The following USP3 variants were observed in gnomAD, a reference collection of about 807,000 sequenced individuals.
USP3 encodes ubiquitin carboxyl-terminal hydrolase 3.
In USP3, 20 loss-of-function variants were observed where a neutral mutation model predicts 72.3. That is an observed-to-expected ratio of 0.28 (90% CI 0.19 to 0.40). The LOEUF is 0.40. USP3 is among the 10% of genes least tolerant of loss of function. USP3 has a pLI of 1.00. For synonymous variants in USP3, 222 were observed against 225.3 expected (o/e 0.99, Z 0.13); for missense variants, 479 against 633.9 (o/e 0.76, Z 2.62).
chr15:63,553,934 A>G lies in USP3; in HGVS notation c.368+136A>G, dbSNP rs970959105. On this transcript the variant is annotated intron_variant, in intron 4 of 14. Coordinates refer to ENST00000380324, the MANE Select transcript of USP3 (RefSeq NM_006537.4). The surrounding 1 kb of genome is among the most constrained non-coding windows in gnomAD (Gnocchi z 4.2). Reference sequence around the variant, plus strand: ...TATGATTGAAATGTTAATAAAATAAACCTTGGCTTTGGATAGCTAAAACTT... The same window carrying G: ...TATGATTGAAATGTTAATAAAATAAGCCTTGGCTTTGGATAGCTAAAACTT... 2 of 664,178 alleles carry G rather than the reference A, an allele frequency of 3.0e-6. No individual in the cohort carries two copies. The highest frequency in any genetic ancestry group is 4.7e-6 in the Non-Finnish European group (2 of 423,358). The allele number at this position is 664,178 out of a possible 1,614,324, so 41.1% of individuals were successfully genotyped here. A position where few individuals can be genotyped will look rare whatever the true frequency, so the allele number is the denominator to read the frequency against.
intron 4 of USP3, among the ~76,000 whole-genome samples, chr15:63,555,128 A>G (rs2066489868): frequency 6.6e-6 from 1 of 152,178 alleles, no homozygotes; most frequent in Non-Finnish European, 1.5e-5. Context: ...CTTTCCATTG[A>G]TCACTTCATC....
chr15:63,574,312 C>T lies in USP3; in HGVS notation c.1016-11C>T. On this transcript the variant is annotated splice_polypyrimidine_tract_variant and intron_variant, in intron 10 of 14. Transcript: ENST00000380324. This position sits in a 1 kb window ranked among gnomAD's most constrained non-coding sequence, Gnocchi z 4.6. The stretch of plus-strand genomic sequence containing the variant: ...TTAACAGCTCTCTGTTTACCTCTCT[C>T]TCCTTTTAAGACCTTTCATTAGATA... 1.3e-6 allele frequency: 2 copies of T among 1,575,514 alleles called. No individual in the cohort carries two copies. Among genetic ancestry groups the T allele is most frequent in the Non-Finnish European group, 1.7e-6 (2 of 1,164,816 alleles).
chr15:63,564,886 T>C (rs1192232019), intron 8 of USP3, among the ~76,000 whole-genome samples: 1 of 152,248 alleles, frequency 6.6e-6, no homozygotes, highest in Non-Finnish European at 1.5e-5. Context: ...GATTATATCA[T>C]GGATAAAGCT....
At chr15:63,542,217 T>A (rs1229443115) in intron 3 of USP3, 1 of 982,762 alleles carries the variant, frequency 1.0e-6, no homozygotes, top group Non-Finnish European at 1.2e-6. Flanking sequence ...CTGTCTTGGG[T>A]ATGACATATA....
chr15:63,554,641 C>T (rs554741640), intron 4 of USP3, among the ~76,000 whole-genome samples: 1 of 152,130 alleles, frequency 6.6e-6, no homozygotes, highest in Non-Finnish European at 1.5e-5. Flanking sequence ...AAGTGTAAAG[C>T]CCATAGAATG....
intron 11 of USP3, among the ~76,000 whole-genome samples, chr15:63,584,092 G>GTTTTTTTTTTTTTTTTTTTTTTT: frequency 1.2e-5 from 1 of 85,598 alleles, no homozygotes; most frequent in Non-Finnish European, 2.2e-5. Context: ...CAACGGTTTT[G>GTTTTTTTTTTTTTTTTTTTTTTT]TTTTTTTTTT....
chr15:63,538,260 A>G (rs1452124657), intron 3 of USP3, among the ~76,000 whole-genome samples: 1 of 152,176 alleles, frequency 6.6e-6, no homozygotes, highest in Non-Finnish European at 1.5e-5. Flanking sequence ...TCTTGTTTTA[A>G]TCAGCTTTCC....
chr15:63,553,663 A>T lies in USP3; in HGVS notation c.285-52A>T. 1 of 1,546,532 alleles carries T rather than the reference A, an allele frequency of 6.5e-7. No individual in the cohort carries two copies. The highest frequency in any genetic ancestry group is 1.2e-5 in the South Asian group (1 of 85,386). On this transcript the variant is annotated intron_variant, in intron 3 of 14. Coordinates refer to ENST00000380324, the MANE Select transcript of USP3 (RefSeq NM_006537.4). The surrounding 1 kb of genome is among the most constrained non-coding windows in gnomAD (Gnocchi z 4.2). ...AGCCAGACCTTTTAGTGATTTCATTACTGTGGTTTCCTCAAGCTCTTTACA... is the reference window on the plus strand; with the variant it reads ...AGCCAGACCTTTTAGTGATTTCATTTCTGTGGTTTCCTCAAGCTCTTTACA...
At chr15:63,573,803 T>C (rs1293096459) in intron 9 of USP3, among the ~76,000 whole-genome samples, 1 of 152,156 alleles carries the variant, frequency 6.6e-6, no homozygotes, top group Non-Finnish European at 1.5e-5. Context: ...TAGTTACTCT[T>C]GGGGAAAGTA....
chr15:63,550,206 G>C (rs973541313), intron 3 of USP3, among the ~76,000 whole-genome samples: 8 of 152,188 alleles, frequency 5.3e-5, no homozygotes, highest in African/African-American at 1.9e-4. Context: ...TTTTAGAAGA[G>C]AGAGGGTTTC....
chr15:63,581,343 TTTTGTGTG>T lies in USP3; in HGVS notation c.1096+6942_1096+6949del, dbSNP rs1349809492. Among the ~76,000 whole-genome samples, 571 of 132,482 alleles carry T rather than the reference TTTTGTGTG, an allele frequency of 4.3e-3. 12 individuals are homozygous for T. The highest frequency in any genetic ancestry group is 0.015 in the African/African-American group (518 of 35,302). 86.9% of individuals were successfully genotyped at this position (132,482 alleles called of 152,430 possible). A position where few individuals can be genotyped will look rare whatever the true frequency, so the allele number is the denominator to read the frequency against. ...TGTTTATATGTATGTTTGTGTTGGT[TTTTGTGTG>T]TGTGTGTGTGTGTGTGTGTGTGTGT... On this transcript the variant is annotated intron_variant, in intron 11 of 14. Transcript: ENST00000380324.
At chr15:63,531,373 A>G (rs1316164055) in intron 1 of USP3, among the ~76,000 whole-genome samples, 1 of 152,196 alleles carries the variant, frequency 6.6e-6, no homozygotes, top group Non-Finnish European at 1.5e-5. Context: ...TTAATATCCT[A>G]CAGGGTAGTA....
chr15:63,533,826 T>C, intron 2 of USP3: 1 of 1,242,532 alleles, frequency 8.0e-7, no homozygotes. Flanking sequence ...TGAAAATACT[T>C]TGTACAGATA....
chr15:63,512,061 A>T (rs1192041615), intron 1 of USP3, among the ~76,000 whole-genome samples: 1 of 150,190 alleles, frequency 6.7e-6, no homozygotes, highest in East Asian at 2.0e-4. Flanking sequence ...GGCTCAAGTA[A>T]TTCTTTGCCT....
chr15:63,505,725 G>A (rs972594757), intron 1 of USP3, among the ~76,000 whole-genome samples: 1 of 152,186 alleles, frequency 6.6e-6, no homozygotes, highest in African/African-American at 2.4e-5. Flanking sequence ...ACACGGCTTT[G>A]CTTACTTCCT....
chr15:63,557,916 C>T (rs2066540011), intron 5 of USP3, among the ~76,000 whole-genome samples, 190 bp from the exon 6 acceptor site: 1 of 152,172 alleles, frequency 6.6e-6, no homozygotes. Context: ...GGATCAGAAA[C>T]AGCCTTCTAA....
intron 11 of USP3, among the ~76,000 whole-genome samples, chr15:63,583,711 A>G (rs570020698): frequency 8.5e-5 from 13 of 152,306 alleles, no homozygotes; most frequent in African/African-American, 2.9e-4. Context: ...GGCACCTCAT[A>G]TAAGTGGAAT....
At chr15:63,524,549 G>C (rs2065955910) in intron 1 of USP3, among the ~76,000 whole-genome samples, 1 of 152,182 alleles carries the variant, frequency 6.6e-6, no homozygotes, top group African/African-American at 2.4e-5. Context: ...GGTGGAGAAC[G>C]TGGACTCACA....
At chr15:63,563,059 G>A in intron 8 of USP3, 51 bp downstream of exon 8, 1 of 1,246,132 alleles carries the variant, frequency 8.0e-7, no homozygotes, top group Non-Finnish European at 1.1e-6. Flanking sequence ...TGTTTATACT[G>A]TTCCTGAAAT....
Sources: allele counts gnomAD v4.1 joint callset (sites outside exome capture counted in the v4.1 genomes callset), GRCh38; gene constraint gnomAD v4.1.1; non-coding constraint Gnocchi (gnomAD v3.1); transcripts MANE v1.5; gene names NCBI Gene and HGNC (gene_info 2026-07-23, HGNC 2026-07-21).